Variants in LCORL observed in about 807,000 individuals in gnomAD.
LCORL encodes the protein ligand-dependent nuclear receptor corepressor-like protein.
LCORL carries 41 observed loss-of-function variants against 141.8 expected under a neutral mutation model. That is an observed-to-expected ratio of 0.29 (90% CI 0.23 to 0.38). LCORL has a LOEUF of 0.38. Ranked by LOEUF, LCORL falls within the 10% of genes least tolerant of loss-of-function variation. LCORL has a pLI of 1.00. For synonymous variants in LCORL, 618 were observed against 694.1 expected, an observed-to-expected ratio of 0.89 and a Z score of 1.72; for missense variants, 1,759 against 2,035.0, an observed-to-expected ratio of 0.86 and a Z score of 2.61.
chr4:17,906,790 A>G (rs13138182), intron 5 of LCORL, among the ~76,000 whole-genome samples: 32,055 of 151,138 alleles, frequency 0.21, 3,942 homozygotes, highest in African/African-American at 0.34. Context: ...GGGTTCAAGC[A>G]ATTCTCCTGC....
intron 7 of LCORL, among the ~76,000 whole-genome samples, chr4:17,864,827 GA>G (rs1725449738): frequency 1.3e-5 from 2 of 152,168 alleles, no homozygotes; most frequent in African/African-American, 4.8e-5. Flanking sequence ...TAACAGTAGT[GA>G]AAAGCAAGCT....
intron 6 of LCORL, chr4:17,880,998 C>T: frequency 3.1e-6 from 3 of 983,220 alleles, no homozygotes; most frequent in Non-Finnish European, 3.6e-6. Flanking sequence ...AATTAAAAAA[C>T]AAATACAAGT....
chr4:17,970,985 G>GAA (rs1231785238), intron 2 of LCORL, among the ~76,000 whole-genome samples: 1 of 152,162 alleles, frequency 6.6e-6, no homozygotes, highest in South Asian at 2.1e-4. Context: ...AAAATGACTG[G>GAA]AAAAACTAAT....
chr4:17,949,203 C>T (rs16896109), intron 4 of LCORL, among the ~76,000 whole-genome samples: 5,065 of 152,130 alleles, frequency 0.033, 276 homozygotes, highest in African/African-American at 0.12. Flanking sequence ...GAGTGCTACT[C>T]TCATCTTTTG....
intron 2 of LCORL, among the ~76,000 whole-genome samples, chr4:17,971,615 C>T (rs1018930356): frequency 1.3e-5 from 2 of 151,336 alleles, no homozygotes; most frequent in Non-Finnish European, 3.0e-5. Context: ...GATAAAACTG[C>T]TTCTTTTAGA....
intron 6 of LCORL, chr4:17,880,832 A>C: frequency 1.2e-6 from 1 of 868,986 alleles, no homozygotes; most frequent in Non-Finnish European, 1.4e-6. Flanking sequence ...TGAATTCATT[A>C]GAAAATATTG....
intron 1 of LCORL, chr4:18,020,769 T>G (rs550068999): frequency 6.6e-5 from 10 of 151,758 alleles, no homozygotes; most frequent in Non-Finnish European, 1.3e-4. Flanking sequence ...TGTGTGTGTG[T>G]GTAAGGAAGA....
rs770884294 is a variant in LCORL at position 17,909,322 on chromosome 4, T to C, written c.454A>G (p.Asn152Asp). 3 of 1,608,880 alleles carry C rather than the reference T, an allele frequency of 1.9e-6. No individual in the cohort carries two copies. The South Asian group carries it at 3.3e-5, about 18-fold the overall frequency. Residue 152 changes from asparagine to aspartate, a missense_variant, in exon 5 of 8, where the codon AAC becomes GAC. By Grantham distance (23) the Asn-to-Asp change is conservative. Coordinates refer to ENST00000635767, the Ensembl canonical transcript of LCORL. ...AATTCCTGAGCAACTAGGGGAATGTTAGGATCACAGTTCTGAGGAAGATCT... is the reference window on the plus strand; with the variant it reads ...AATTCCTGAGCAACTAGGGGAATGTCAGGATCACAGTTCTGAGGAAGATCT...
At position 17,970,767 on chromosome 4, in the gene LCORL, AC is replaced by A. The variant is rs1342087298; in HGVS notation, c.220+2052del. Among the ~76,000 whole-genome samples, 3 of 152,210 alleles carry A rather than the reference AC, an allele frequency of 2.0e-5. No homozygotes were observed. In the East Asian group the frequency reaches 5.8e-4, roughly 29 times the overall value. On this transcript the variant is annotated intron_variant, in intron 2 of 7. Coordinates refer to ENST00000635767, the Ensembl canonical transcript of LCORL. ...GTTCTCTGAAAACCTCATGGGAAAGACTGAAAACATGCTATGTTCCTATATT... is the reference window on the plus strand; with the variant it reads ...GTTCTCTGAAAACCTCATGGGAAAGATGAAAACATGCTATGTTCCTATATT...
At chr4:17,940,729 T>C (rs1737817765) in intron 4 of LCORL, among the ~76,000 whole-genome samples, 1 of 151,866 alleles carries the variant, frequency 6.6e-6, no homozygotes, top group Non-Finnish European at 1.5e-5. Context: ...CAACCAAGGG[T>C]CAATGAAAAT....
intron 2 of LCORL, among the ~76,000 whole-genome samples, chr4:17,964,593 C>T (rs1244006841): frequency 6.6e-6 from 1 of 152,004 alleles, no homozygotes; most frequent in Non-Finnish European, 1.5e-5. Flanking sequence ...ATTAAAAACC[C>T]AGCTCCTATA....
At chr4:17,854,690 A>G (rs915813816) in intron 7 of LCORL, among the ~76,000 whole-genome samples, 4 of 152,146 alleles carry the variant, frequency 2.6e-5, no homozygotes, top group African/African-American at 9.6e-5. Flanking sequence ...TTTTTAAAAA[A>G]AAACAAAAAC....
At chr4:17,874,892 C>A in exon 7 of LCORL, 1 of 1,233,648 alleles carries the variant, frequency 8.1e-7, no homozygotes, top group Middle Eastern at 2.1e-4. Context: ...TTTTATTTTT[C>A]TGCAAATGCA....
At chr4:17,916,485 C>G (rs1370926391) in intron 4 of LCORL, among the ~76,000 whole-genome samples, 1 of 152,062 alleles carries the variant, frequency 6.6e-6, no homozygotes, top group Non-Finnish European at 1.5e-5. Context: ...GACCTCCTCT[C>G]TCTTTTTCTT....
At chr4:17,978,551 CACATCACCATAGAGCAAG>C (rs1257290282) in intron 1 of LCORL, among the ~76,000 whole-genome samples, 1 of 147,698 alleles carries the variant, frequency 6.8e-6, no homozygotes, top group Non-Finnish European at 1.5e-5. Context: ...GAGCTATGAT[CACATCACCATAGAGCAAG>C]ACCTTGTCTC....
chr4:17,995,340 AT>A (rs1720744020), intron 1 of LCORL, among the ~76,000 whole-genome samples: 1 of 151,920 alleles, frequency 6.6e-6, no homozygotes, highest in Non-Finnish European at 1.5e-5. Context: ...GGTCTCCTTA[AT>A]CCCAAACACA....
intron 1 of LCORL, among the ~76,000 whole-genome samples, chr4:17,996,186 T>C (rs1030110128): frequency 6.6e-6 from 1 of 152,058 alleles, no homozygotes; most frequent in Admixed American, 6.6e-5. Flanking sequence ...CCAGGATATA[T>C]CCATATTATT....
chr4:17,945,215 C>G (rs1738665420), intron 4 of LCORL, among the ~76,000 whole-genome samples: 1 of 151,934 alleles, frequency 6.6e-6, no homozygotes, highest in South Asian at 2.1e-4. Flanking sequence ...CATGGGAAAA[C>G]TCATGTATTA....
At chr4:18,005,816 C>T (rs767932126) in intron 1 of LCORL, among the ~76,000 whole-genome samples, 13 of 152,142 alleles carry the variant, frequency 8.5e-5, no homozygotes, top group Non-Finnish European at 1.5e-4. Context: ...ACCATGCATC[C>T]GGCCCATGAA....
Sources: allele counts gnomAD v4.1 joint callset (sites outside exome capture counted in the v4.1 genomes callset), GRCh38; gene constraint gnomAD v4.1.1; transcripts MANE v1.5; gene names NCBI Gene and HGNC (gene_info 2026-07-23, HGNC 2026-07-21).